KYAT3: variants seen among roughly 807,000 people sequenced by gnomAD.
KYAT3 encodes the protein kynurenine--oxoglutarate transaminase 3.
In KYAT3, 50 loss-of-function variants were observed where a neutral mutation model predicts 59.0. The observed-to-expected ratio is 0.85, with a 90% CI of 0.68 to 1.07. The LOEUF (loss-of-function observed/expected upper bound fraction) is 1.07, where lower values mean the gene tolerates loss of function less well. Ranked by LOEUF, KYAT3 falls within the 50% of genes least tolerant of loss-of-function variation. The probability of loss-of-function intolerance (pLI) is 0.00; values close to 1 mark genes in which losing one functional copy is unlikely to be tolerated. For synonymous variants in KYAT3, 148 were observed against 177.0 expected (o/e 0.84, Z 1.30); for missense variants, 497 against 533.3 (o/e 0.93, Z 0.67).
chr1:88,982,162 T>C (rs1234408962), intron 2 of KYAT3: 1 of 925,304 alleles, frequency 1.1e-6, no homozygotes, highest in Non-Finnish European at 1.3e-6. Flanking sequence ...GCATCTGATT[T>C]CAGGTTTTGC....
At chr1:88,934,582 A>G (rs1674974917), downstream of KYAT3, among the ~76,000 whole-genome samples, 1 of 152,184 alleles carries the variant, frequency 6.6e-6, no homozygotes, top group South Asian at 2.1e-4. Flanking sequence ...CCAACTGTGC[A>G]ATGTACAGCC....
At chr1:88,934,384 G>A (rs945456526), downstream of KYAT3, among the ~76,000 whole-genome samples, 1 of 152,184 alleles carries the variant, frequency 6.6e-6, no homozygotes, top group Non-Finnish European at 1.5e-5. Flanking sequence ...AACCTGGGGG[G>A]CAGAGGTTGC....
intron 2 of KYAT3, among the ~76,000 whole-genome samples, chr1:88,970,176 G>A (rs1676501030): frequency 6.6e-6 from 1 of 152,144 alleles, no homozygotes; most frequent in Admixed American, 6.5e-5. Context: ...TAAGTTCCTT[G>A]TATGACATAC....
intron 2 of KYAT3, among the ~76,000 whole-genome samples, chr1:88,986,180 TG>T (rs1462393369): frequency 2.4e-5 from 3 of 123,972 alleles, no homozygotes; most frequent in Admixed American, 8.0e-5. Flanking sequence ...AGAGACTGTA[TG>T]AAAAAAAAAA....
chr1:88,987,536 C>T (rs972132295), intron 2 of KYAT3, among the ~76,000 whole-genome samples: 2 of 151,998 alleles, frequency 1.3e-5, no homozygotes, highest in African/African-American at 4.8e-5. Flanking sequence ...ACTTCATATG[C>T]CAAAAATGGA....
downstream of KYAT3, among the ~76,000 whole-genome samples, chr1:88,935,227 T>C (rs966572941): frequency 6.6e-6 from 1 of 151,312 alleles, no homozygotes; most frequent in African/African-American, 2.4e-5. Flanking sequence ...GGTCTCAAAC[T>C]CCTGAATTCA....
At chr1:88,948,963 G>T in intron 11 of KYAT3, 128 bp downstream of exon 11, 2 of 688,820 alleles carry the variant, frequency 2.9e-6, no homozygotes, top group Non-Finnish European at 4.5e-6. Flanking sequence ...TGTAGACATT[G>T]CAAAAATCCA....
At chr1:88,986,259 T>C (rs1677448948) in intron 2 of KYAT3, among the ~76,000 whole-genome samples, 2 of 151,750 alleles carry the variant, frequency 1.3e-5, no homozygotes, top group African/African-American at 4.8e-5. Flanking sequence ...GAAAAGGTTT[T>C]GTCCAGTGTT....
Position 88,964,982 on chromosome 1 carries a change from T to A in KYAT3, c.304-4A>T, listed in dbSNP as rs1375007849. 3 of 1,592,972 alleles carry A rather than the reference T, an allele frequency of 1.9e-6. No homozygotes were observed. Among genetic ancestry groups the A allele is most frequent in the Non-Finnish European group, 2.6e-6 (3 of 1,175,508 alleles). Reference sequence around the variant, plus strand: ...CTTTCACAAGTGATGGATGGCCCTGTTGGATTAAAAATAAGAACAAAACCT... The same window carrying A: ...CTTTCACAAGTGATGGATGGCCCTGATGGATTAAAAATAAGAACAAAACCT... On this transcript the variant is annotated splice_region_variant and splice_polypyrimidine_tract_variant and intron_variant, in intron 4 of 13. Coordinates refer to ENST00000260508, the MANE Select transcript of KYAT3 (RefSeq NM_001008661.3).
At chr1:88,988,839 G>C (rs1050652975) in intron 1 of KYAT3, among the ~76,000 whole-genome samples, 1 of 152,200 alleles carries the variant, frequency 6.6e-6, no homozygotes, top group Non-Finnish European at 1.5e-5. Flanking sequence ...GTAGGTCCTT[G>C]ATAAATATAA....
chr1:88,948,835 G>A (rs1347194609), intron 11 of KYAT3, among the ~76,000 whole-genome samples: 1 of 152,190 alleles, frequency 6.6e-6, no homozygotes, highest in African/African-American at 2.4e-5. Flanking sequence ...CACACCAGAA[G>A]AGAGTGATAG....
chr1:88,959,144 G>C (rs774790276), intron 8 of KYAT3, among the ~76,000 whole-genome samples: 2 of 151,882 alleles, frequency 1.3e-5, no homozygotes, highest in Non-Finnish European at 2.9e-5. Flanking sequence ...GCCAGATGAG[G>C]GGGTGCAGAC....
At chr1:88,975,583 T>C (rs1676753450) in intron 2 of KYAT3, among the ~76,000 whole-genome samples, 1 of 152,272 alleles carries the variant, frequency 6.6e-6, no homozygotes, top group Non-Finnish European at 1.5e-5. Flanking sequence ...GATAATATCC[T>C]CAATATTATA....
Position 88,958,418 on chromosome 1 carries a change from T to TAA in KYAT3, c.787+2747_787+2748dup, listed in dbSNP as rs34576826. On this transcript the variant is annotated intron_variant, in intron 8 of 13. Transcript: ENST00000260508. ...CCTCTGTGGCTGGCTCTCATCTTTG[T>TAA]AAAAAAAAAAAAAAAAAAATCTAGT... 9.3e-3 allele frequency among the ~76,000 whole-genome samples: 1,296 copies of TAA among 138,958 alleles called. 18 individuals carry two copies. The highest frequency in any genetic ancestry group is 0.062 in the East Asian group (296 of 4,788). The allele number at this position is 138,958 out of a possible 152,430, so 91.2% of individuals were successfully genotyped here.
At chr1:88,984,346 C>CCACCTGAG (rs1296428203) in intron 2 of KYAT3, among the ~76,000 whole-genome samples, 4 of 151,132 alleles carry the variant, frequency 2.6e-5, no homozygotes, top group Non-Finnish European at 5.9e-5. Flanking sequence ...ACCTGAGTAG[C>CCACCTGAG]TTGGATTACC....
chr1:88,965,592 A>G (rs1478091804), intron 4 of KYAT3, among the ~76,000 whole-genome samples: 1 of 152,232 alleles, frequency 6.6e-6, no homozygotes, highest in Non-Finnish European at 1.5e-5. Flanking sequence ...GCCTGAGGCA[A>G]GCAGGGGGTC....
At chr1:88,946,726 C>A (rs1273851578) in intron 11 of KYAT3, among the ~76,000 whole-genome samples, 1 of 152,164 alleles carries the variant, frequency 6.6e-6, no homozygotes, top group Non-Finnish European at 1.5e-5. Context: ...AAAAGCACTT[C>A]CCAAATCTCA....
At chr1:88,946,330 T>C (rs1028937259) in intron 11 of KYAT3, among the ~76,000 whole-genome samples, 5 of 152,100 alleles carry the variant, frequency 3.3e-5, no homozygotes, top group Non-Finnish European at 4.4e-5. Context: ...AACTGATTTT[T>C]TTTTTTTTTA....
chr1:88,984,637 T>C (rs1003943193), intron 2 of KYAT3, among the ~76,000 whole-genome samples: 3 of 152,238 alleles, frequency 2.0e-5, no homozygotes, highest in African/African-American at 7.2e-5. Context: ...GGGAAGCAAT[T>C]TGGACTCCCT....
Sources: allele counts gnomAD v4.1 joint callset (sites outside exome capture counted in the v4.1 genomes callset), GRCh38; gene constraint gnomAD v4.1.1; transcripts MANE v1.5; gene names NCBI Gene and HGNC (gene_info 2026-07-23, HGNC 2026-07-21).